The following PARPBP variants were observed in gnomAD, a reference collection of about 807,000 sequenced individuals.
The protein encoded by PARPBP is PCNA-interacting partner.
PARPBP carries 52 observed loss-of-function variants against 50.0 expected under a neutral mutation model. That is an observed-to-expected ratio of 1.04 (90% CI 0.83 to 1.31). PARPBP has a LOEUF of 1.31. Among genes scored for constraint, PARPBP ranks in the 50% most tolerant of loss-of-function variants. The probability of loss-of-function intolerance (pLI) is 0.00; values close to 1 mark genes in which losing one functional copy is unlikely to be tolerated. For missense variants in PARPBP, 697 were observed against 672.0 expected (o/e 1.04, Z -0.41); for synonymous variants, 244 against 232.1 (o/e 1.05, Z -0.47).
chr12:102,123,221 T>A (rs1428016290), intron 1 of PARPBP, among the ~76,000 whole-genome samples: 1 of 152,208 alleles, frequency 6.6e-6, no homozygotes, highest in Non-Finnish European at 1.5e-5. Flanking sequence ...ATATTGTTTG[T>A]ATGAACAGTT....
In PARPBP at chr12:102,142,785, C is replaced by T. The variant is rs541814830; in HGVS notation, c.154-5445C>T. 3.3e-5 allele frequency among the ~76,000 whole-genome samples: 5 copies of T among 152,326 alleles called. No individual in the cohort carries two copies. The South Asian group carries it at 1.0e-3, about 32-fold the overall frequency. On this transcript the variant is annotated intron_variant, in intron 2 of 10. Coordinates refer to ENST00000327680, the MANE Select transcript of PARPBP (RefSeq NM_017915.5). ...CAGACTCTGTTTGCCTGGGTATCAC[C>T]AGTGGAGGCTGCAGAACAGCAAATA... is the stretch of plus-strand genomic sequence containing the variant.
chr12:102,177,909 G>C (rs114000781), intron 7 of PARPBP, among the ~76,000 whole-genome samples: 4,306 of 152,128 alleles, frequency 0.028, 177 homozygotes, highest in African/African-American at 0.087. Flanking sequence ...TCTTCCTCTG[G>C]GTGCCTCCTC....
chr12:102,138,553 G>A (rs571749413), intron 2 of PARPBP, among the ~76,000 whole-genome samples: 1 of 151,732 alleles, frequency 6.6e-6, no homozygotes, highest in African/African-American at 2.4e-5. Context: ...TAGTCATGAA[G>A]TCCTTGCTCA....
At chr12:102,132,902 T>C (rs1883083229) in intron 2 of PARPBP, among the ~76,000 whole-genome samples, 1 of 152,158 alleles carries the variant, frequency 6.6e-6, no homozygotes, top group Non-Finnish European at 1.5e-5. Flanking sequence ...AAAAATTTTT[T>C]GTTTTTATAG....
At chr12:102,182,001 C>A (rs918811547) in intron 8 of PARPBP, among the ~76,000 whole-genome samples, 1 of 152,096 alleles carries the variant, frequency 6.6e-6, no homozygotes, top group Non-Finnish European at 1.5e-5. Flanking sequence ...GATTTAATCA[C>A]CCTGAGGCCC....
intron 1 of PARPBP, 72 bp from the exon 2 acceptor site, chr12:102,123,814 G>A (rs1426323645): frequency 3.1e-6 from 3 of 968,850 alleles, no homozygotes; most frequent in Admixed American, 4.3e-5. Flanking sequence ...ATCTGTGCTT[G>A]CCTATACATG....
At position 102,196,913 on chromosome 12, in the gene PARPBP, C is replaced by A; in HGVS notation, c.*622C>A. On this transcript the variant is annotated 3_prime_UTR_variant, in exon 11 of 11. Coordinates refer to ENST00000327680, the MANE Select transcript of PARPBP (RefSeq NM_017915.5). Reference sequence around the variant, plus strand: ...ATGATTGCATCCAAATTCACTTTAACTCAGAGTTCTGTTTAATGGTGGTAG... The same window carrying A: ...ATGATTGCATCCAAATTCACTTTAAATCAGAGTTCTGTTTAATGGTGGTAG... The A allele has an allele frequency of 1.4e-6, 2 of 1,414,180 alleles. No individual in the cohort carries two copies. Among genetic ancestry groups the A allele is most frequent in the Non-Finnish European group, 2.0e-6 (2 of 1,009,324 alleles). 87.6% of individuals were successfully genotyped at this position (1,414,180 alleles called of 1,614,324 possible).
At chr12:102,171,412 A>T (rs957692427) in intron 6 of PARPBP, among the ~76,000 whole-genome samples, 2 of 152,106 alleles carry the variant, frequency 1.3e-5, no homozygotes, top group Non-Finnish European at 2.9e-5. Context: ...GCTCCATTAT[A>T]ATATTATGGG....
At chr12:102,166,991 G>T (rs1594575233) in intron 6 of PARPBP, among the ~76,000 whole-genome samples, 1 of 152,082 alleles carries the variant, frequency 6.6e-6, no homozygotes, top group East Asian at 1.9e-4. Flanking sequence ...AGGCAATATA[G>T]ATATATTTTG....
At position 102,197,248 on chromosome 12, in the gene PARPBP, G is replaced by T; in HGVS notation, c.*957G>T. On this transcript the variant is annotated 3_prime_UTR_variant, in exon 11 of 11. Coordinates refer to ENST00000327680, the MANE Select transcript of PARPBP (RefSeq NM_017915.5). ...TATAATACAATTGTATAATATTCTT[G>T]TTGATCAATTCAAAGTTACTCTGCA... 2 of 1,179,342 alleles carry T rather than the reference G, an allele frequency of 1.7e-6. No individual in the cohort carries two copies. The highest frequency in any genetic ancestry group is 2.4e-6 in the Non-Finnish European group (2 of 822,168). 73.1% of individuals were successfully genotyped at this position (1,179,342 alleles called of 1,614,324 possible).
chr12:102,164,665 C>A (rs545522144), intron 5 of PARPBP, 57 bp downstream of exon 5: 5 of 1,393,032 alleles, frequency 3.6e-6, no homozygotes, highest in Non-Finnish European at 5.1e-6. Flanking sequence ...ATCCATGTAT[C>A]CTAATATGCT....
chr12:102,172,757 A>AT (rs1445842109), intron 6 of PARPBP, among the ~76,000 whole-genome samples: 3 of 151,976 alleles, frequency 2.0e-5, no homozygotes, highest in Non-Finnish European at 2.9e-5. Flanking sequence ...CATTTGAAGC[A>AT]TTTTTTTTGT....
At position 102,178,790 on chromosome 12, in the gene PARPBP, T is replaced by C. The variant is rs139933090; in HGVS notation, c.1184+20T>C. 2 of 1,503,916 alleles carry C rather than the reference T, an allele frequency of 1.3e-6. No individual in the cohort carries two copies. The highest frequency in any genetic ancestry group is 1.4e-5 in the African/African-American group (1 of 71,742). The allele number at this position is 1,503,916 out of a possible 1,614,324, so 93.2% of individuals were successfully genotyped here. A position where few individuals can be genotyped will look rare whatever the true frequency, so the allele number is the denominator to read the frequency against. ...TTTTAGGTAAGTTATGTGGAAGTTATATGTGTTATAAATGTTAACTCTAGA... is the reference window on the plus strand; with the variant it reads ...TTTTAGGTAAGTTATGTGGAAGTTACATGTGTTATAAATGTTAACTCTAGA... On this transcript the variant is annotated intron_variant, in intron 8 of 10. Coordinates refer to ENST00000327680, the MANE Select transcript of PARPBP (RefSeq NM_017915.5).
chr12:102,145,408 T>C (rs556866967), intron 2 of PARPBP, among the ~76,000 whole-genome samples: 14 of 152,276 alleles, frequency 9.2e-5, no homozygotes, highest in Admixed American at 3.9e-4. Flanking sequence ...TTAGTACTCA[T>C]GGTGTATTAA....
intron 1 of PARPBP, among the ~76,000 whole-genome samples, chr12:102,121,293 A>G (rs888767923): frequency 3.3e-5 from 5 of 152,090 alleles, no homozygotes; most frequent in Admixed American, 6.5e-5. Context: ...TGGTTGGGGG[A>G]AAAAATGAAA....
At chr12:102,131,624 T>C (rs750320229) in intron 2 of PARPBP, among the ~76,000 whole-genome samples, 6 of 152,030 alleles carry the variant, frequency 3.9e-5, no homozygotes, top group Non-Finnish European at 8.8e-5. Flanking sequence ...ATAAAGAAAA[T>C]GTGGTACATA....
chr12:102,179,424 G>A (rs1889607523), intron 8 of PARPBP, among the ~76,000 whole-genome samples: 1 of 152,218 alleles, frequency 6.6e-6, no homozygotes, highest in Non-Finnish European at 1.5e-5. Context: ...TACAGACTGG[G>A]TAGCTTAAAC....
At chr12:102,185,258 A>G (rs1266544100) in intron 9 of PARPBP, among the ~76,000 whole-genome samples, 1 of 152,218 alleles carries the variant, frequency 6.6e-6, no homozygotes, top group Non-Finnish European at 1.5e-5. Flanking sequence ...GAATTTTATC[A>G]AATGCTTTTT....
intron 4 of PARPBP, among the ~76,000 whole-genome samples, chr12:102,164,170 T>A (rs1201370779): frequency 6.6e-6 from 1 of 152,226 alleles, no homozygotes; most frequent in Non-Finnish European, 1.5e-5. Flanking sequence ...TGCTGATATC[T>A]GTTCTTGAGT....
Sources: allele counts gnomAD v4.1 joint callset (sites outside exome capture counted in the v4.1 genomes callset), GRCh38; gene constraint gnomAD v4.1.1; transcripts MANE v1.5; gene names NCBI Gene and HGNC (gene_info 2026-07-23, HGNC 2026-07-21).